RNF103: variants seen among roughly 807,000 people sequenced by gnomAD.
RNF103 encodes the protein ring finger protein 103.
Under a neutral mutation model 66.2 loss-of-function variants are expected in RNF103, and 23 were observed. The ratio of observed to expected loss-of-function variants is 0.35; its 90% CI spans 0.25 to 0.49. The LOEUF is 0.49. Among genes scored for constraint, RNF103 ranks in the 20% least tolerant of loss-of-function variants. The pLI, the probability that RNF103 is intolerant of heterozygous loss-of-function variation, is 0.98. For missense variants in RNF103, 730 were observed against 814.7 expected, an observed-to-expected ratio of 0.90 and a Z score of 1.27; for synonymous variants, 297 against 289.9, an observed-to-expected ratio of 1.02 and a Z score of -0.25.
intron 2 of RNF103, chr2:86,614,122 A>G (rs1678916271): frequency 6.6e-6 from 1 of 152,196 alleles, no homozygotes; most frequent in Non-Finnish European, 1.5e-5. Context: ...TTTAATGAAA[A>G]TAAGTGGTCT....
At position 86,617,979 on chromosome 2, in the gene RNF103, C is replaced by T. The variant is rs1310719469; in HGVS notation, c.366+2351G>A. On this transcript the variant is annotated intron_variant, in intron 2 of 3. Transcript: ENST00000237455. ...GCCACTGGCCTCAAGGAACACAAGC[C>T]AGACAGTGGTGGTCAATGCAAACCT... 3 of 497,336 alleles carry T rather than the reference C, an allele frequency of 6.0e-6. No homozygotes were observed. The Admixed American group carries it at 7.1e-5, about 12-fold the overall frequency. The allele number at this position is 497,336 out of a possible 1,614,324, so 30.8% of individuals were successfully genotyped here.
At position 86,620,461 on chromosome 2, in the gene RNF103, T is replaced by C. The variant is rs1178340876; in HGVS notation, c.235A>G (p.Met79Val). The C allele has an allele frequency of 7.0e-6, 11 of 1,577,852 alleles. No homozygotes were observed. The highest frequency in any genetic ancestry group is 1.3e-5 in the African/African-American group (1 of 74,324). The change falls in exon 2 of 4, where the codon ATG becomes GTG. Residue 79 changes from methionine to valine, a missense_variant. This residue lies in a region of RNF103 where 327 missense variants were observed against 369.8 expected (regional missense o/e 0.88). Coordinates refer to ENST00000237455, the MANE Select transcript of RNF103 (RefSeq NM_005667.4). The part of the protein sequence containing the change: ...RELVEKSGDL[M>V]EGELYSALKE... ...AGAGCAGAATAGAGCTCACCCTCCA[T>C]CAAGTCACCTGAAGAAAGGAAAAGA...
intron 3 of RNF103, among the ~76,000 whole-genome samples, chr2:86,607,424 T>C (rs1045169581): frequency 1.3e-5 from 2 of 152,254 alleles, no homozygotes; most frequent in African/African-American, 4.8e-5. Context: ...CAACACGCTA[T>C]GTCTTAAGAC....
At chr2:86,618,196 T>C (rs1377872397) in intron 2 of RNF103, 1 of 253,584 alleles carries the variant, frequency 3.9e-6, no homozygotes, top group Admixed American at 4.5e-5. Flanking sequence ...TCATTATTTG[T>C]CCTTCACTTC....
At position 86,619,007 on chromosome 2, in the gene RNF103, T is replaced by C. The variant is rs1457901045; in HGVS notation, c.366+1323A>G. On this transcript the variant is annotated intron_variant, in intron 2 of 3. Transcript: ENST00000237455. ...ATTATCCGGAAGGTAAAAGGACAAA[T>C]GCAATAGGAAGGATACAATAAAGAA... 3.9e-5 allele frequency among the ~76,000 whole-genome samples: 6 copies of C among 152,104 alleles called. No individual in the cohort carries two copies. In the East Asian group the frequency reaches 9.6e-4, roughly 24 times the overall value.
chr2:86,618,141 G>GA (rs1302001054), intron 2 of RNF103: 5 of 276,842 alleles, frequency 1.8e-5, no homozygotes, highest in South Asian at 6.0e-5. Flanking sequence ...TATTTTCAGA[G>GA]AAAAAAAATT....
chr2:86,617,448 T>C (rs191724312), intron 2 of RNF103: 5 of 467,096 alleles, frequency 1.1e-5, no homozygotes, highest in Non-Finnish European at 1.4e-5. Flanking sequence ...AGTATACTGT[T>C]ATAATTGTTC....
Position 86,605,269 on chromosome 2 carries a change from G to A in RNF103, c.632C>T (p.Ala211Val). The change falls in exon 4 of 4, where the codon GCT (alanine) becomes GTT (valine). Residue 211 changes from alanine (A) to valine (V), a missense_variant. Around this residue, in one of 3 missense-constraint regions of RNF103, gnomAD observed 327 missense variants for 369.8 expected, o/e 0.88. Coordinates refer to ENST00000237455, the MANE Select transcript of RNF103 (RefSeq NM_005667.4). The part of the protein sequence containing the change: ...HIFKWITAHA[A>V]SRIKTIYNAE... ...ATTATAAATGGTTTTGATCCGAGAA[G>A]CTGCATGAGCAGTTATCCATTTAAA... is the stretch of plus-strand genomic sequence containing the variant. 6.2e-7 allele frequency: 1 copy of A among 1,614,136 alleles called. No individual in the cohort carries two copies. Among genetic ancestry groups the A allele is most frequent in the Non-Finnish European group, 8.5e-7 (1 of 1,180,030 alleles).
At position 86,616,374 on chromosome 2, in the gene RNF103, T is replaced by C. The variant is rs1679019957; in HGVS notation, c.366+3956A>G. ...CAAAATCATAAGCCAACCTAGTATATACATGCAAACTATATAAAACCATTA... is the reference window on the plus strand; with the variant it reads ...CAAAATCATAAGCCAACCTAGTATACACATGCAAACTATATAAAACCATTA... On this transcript the variant is annotated intron_variant, in intron 2 of 3. Transcript: ENST00000237455. The C allele has an allele frequency of 8.3e-6, 5 of 599,738 alleles. No individual in the cohort carries two copies. The East Asian group carries it at 4.3e-4, about 51-fold the overall frequency. The allele number at this position is 599,738 out of a possible 1,614,324, so 37.2% of individuals were successfully genotyped here. A position where few individuals can be genotyped will look rare whatever the true frequency, so the allele number is the denominator to read the frequency against.
intron 2 of RNF103, among the ~76,000 whole-genome samples, chr2:86,615,729 T>C (rs1199339621): frequency 6.6e-6 from 1 of 151,976 alleles, no homozygotes; most frequent in African/African-American, 2.4e-5. Context: ...ACAAAAAAAC[T>C]GGACAAAGTA....
In RNF103 at chr2:86,623,506, C is replaced by G; in HGVS notation, c.-620G>C. The G allele has an allele frequency of 2.0e-6, 2 of 983,592 alleles. No homozygotes were observed. The highest frequency in any genetic ancestry group is 2.4e-6 in the Non-Finnish European group (2 of 829,418). 60.9% of individuals were successfully genotyped at this position (983,592 alleles called of 1,614,324 possible). A position where few individuals can be genotyped will look rare whatever the true frequency, so the allele number is the denominator to read the frequency against. Reference sequence around the variant, plus strand: ...CGCCCGAAGCCCAGGCCCCAGGCCCCGCCGACCGCCCAGGCTCCGCGAGAA... The same window carrying G: ...CGCCCGAAGCCCAGGCCCCAGGCCCGGCCGACCGCCCAGGCTCCGCGAGAA... On this transcript the variant is annotated 5_prime_UTR_variant, in exon 1 of 4. Transcript: ENST00000237455.
At position 86,623,034 on chromosome 2, in the gene RNF103, C is replaced by T. The variant is rs1679294782; in HGVS notation, c.-148G>A. 1 of 1,342,004 alleles carries T rather than the reference C, an allele frequency of 7.5e-7. No homozygotes were observed. Among genetic ancestry groups the T allele is most frequent in the Middle Eastern group, 2.8e-4 (1 of 3,528 alleles). The allele number at this position is 1,342,004 out of a possible 1,614,324, so 83.1% of individuals were successfully genotyped here. On this transcript the variant is annotated 5_prime_UTR_variant, in exon 1 of 4. Transcript: ENST00000237455. ...GGCGCCGTCACTGGCCGGCCATCCC[C>T]GGCGGGGAAGCAGGTGACGGGATCC...
Position 86,607,917 on chromosome 2 carries a change from CATATT to C in RNF103, c.483-2504_483-2500del, listed in dbSNP as rs543491806. On this transcript the variant is annotated intron_variant, in intron 3 of 3. Coordinates refer to ENST00000237455, the MANE Select transcript of RNF103 (RefSeq NM_005667.4). ...ACATTTCTTCACATAAGAAAACAAA[CATATT>C]ATGTGCTTTCTTTTCAGCTCAGAGC... Among the ~76,000 whole-genome samples the C allele has an allele frequency of 1.9e-3, 287 of 152,260 alleles. 3 individuals are homozygous for C. Among genetic ancestry groups the C allele is most frequent in the Non-Finnish European group, 2.3e-3 (158 of 68,000 alleles).
At chr2:86,613,450 G>C (rs1336661208) in intron 2 of RNF103, 2 of 152,106 alleles carry the variant, frequency 1.3e-5, no homozygotes, top group Admixed American at 1.3e-4. Flanking sequence ...AATGTCTAAA[G>C]TCATCATGAA....
chr2:86,604,459 T>A lies in RNF103; in HGVS notation c.1442A>T (p.Asp481Val). The A allele has an allele frequency of 1.2e-6, 2 of 1,614,224 alleles. No individual in the cohort carries two copies. Among genetic ancestry groups the A allele is most frequent in the South Asian group, 2.2e-5 (2 of 91,080 alleles). The change falls in exon 4 of 4, where the codon GAT (aspartate) becomes GTT (valine). Residue 481 changes from aspartate (D) to valine (V), a missense_variant. By Grantham distance (152) the Asp-to-Val change is radical (BLOSUM62 -3). Coordinates refer to ENST00000237455, the MANE Select transcript of RNF103 (RefSeq NM_005667.4). ...GAATAAGTCAGGGTCTTCGTCCCAA[T>A]CAGATTCTACAGGAAAGTTCTGAAA... ...ASFQNFPVES[D>V]WDEDPDLFLE...
At chr2:86,611,166 C>G (rs1488667904) in intron 3 of RNF103, among the ~76,000 whole-genome samples, 1 of 150,268 alleles carries the variant, frequency 6.7e-6, no homozygotes, top group Non-Finnish European at 1.5e-5. Flanking sequence ...AGTCACAGAG[C>G]CAAATCCTGT....
At chr2:86,615,127 A>T (rs1678966999) in intron 2 of RNF103, 1 of 985,300 alleles carries the variant, frequency 1.0e-6, no homozygotes, top group Non-Finnish European at 1.2e-6. Context: ...GAGATAGTAG[A>T]AGTGAGTGAA....
chr2:86,614,379 A>T (rs1573363419), intron 2 of RNF103: 1 of 152,162 alleles, frequency 6.6e-6, no homozygotes, highest in Admixed American at 6.5e-5. Context: ...AGGCTGGTGG[A>T]TCATTTGAGG....
chr2:86,604,182 A>G lies in RNF103; in HGVS notation c.1719T>C (p.Ala573=). The change falls in exon 4 of 4, where the codon GCT becomes GCC. Residue 573 remains alanine, a synonymous_variant. Transcript: ENST00000237455. ...ATTTATTGGCACATGAACAAGCCTC[A>G]GCATCACAGTGACTTGCTGTTCCTG... The part of the protein sequence containing the change: ...NSPGTASHCD[A]EACSCANKYC... 1 of 1,613,886 alleles carries G rather than the reference A, an allele frequency of 6.2e-7. No homozygotes were observed. The highest frequency in any genetic ancestry group is 1.1e-5 in the South Asian group (1 of 91,088).
Sources: gnomAD v4.1 joint callset for allele counts (sites outside exome capture counted in the v4.1 genomes callset) on GRCh38, gnomAD v4.1.1 for gene constraint, gnomAD v4.1.1 regional missense constraint, MANE v1.5 for transcripts, NCBI Gene and HGNC (gene_info 2026-07-23, HGNC 2026-07-21) for gene names.